ETV5: variants seen among roughly 807,000 people sequenced by gnomAD.
ETV5 encodes ETS translocation variant 5.
In ETV5, 10 loss-of-function variants were observed where a neutral mutation model predicts 70.0. The ratio of observed to expected loss-of-function variants is 0.14; its 90% CI spans 0.09 to 0.24. ETV5 has a LOEUF of 0.24. Ranked by LOEUF, ETV5 falls within the 10% of genes least tolerant of loss-of-function variation. The probability of loss-of-function intolerance (pLI) is 1.00; values close to 1 mark genes in which losing one functional copy is unlikely to be tolerated. For missense variants in ETV5, 453 were observed against 651.2 expected (o/e 0.70, Z 3.31); for synonymous variants, 216 against 242.2 (o/e 0.89, Z 1.01).
chr3:186,068,809 G>A lies in ETV5; in HGVS notation c.651-2737C>T, dbSNP rs757943069. On this transcript the variant is annotated intron_variant, in intron 7 of 12. Coordinates refer to ENST00000306376, the MANE Select transcript of ETV5 (RefSeq NM_004454.3). ...AAGGTGGTTGTGGAAGGCTGGAGAT[G>A]TGTGAACTCTCAGTCCATGAAACAG... Among the ~76,000 whole-genome samples, 10 of 152,368 alleles carry A rather than the reference G, an allele frequency of 6.6e-5. 1 individual carries two copies. The Middle Eastern group carries it at 0.014, about 207-fold the overall frequency.
intron 9 of ETV5, among the ~76,000 whole-genome samples, chr3:186,061,768 C>A (rs753490754): frequency 2.0e-5 from 3 of 152,230 alleles, no homozygotes; most frequent in Admixed American, 1.3e-4. Flanking sequence ...CCTACCAGGG[C>A]TCCTTTCCAT....
intron 5 of ETV5, among the ~76,000 whole-genome samples, chr3:186,104,333 T>C (rs142585614): frequency 7.1e-4 from 108 of 152,296 alleles, no homozygotes; most frequent in Non-Finnish European, 1.5e-3. Flanking sequence ...CCTGCCAGTG[T>C]TGAAAGCCAT....
chr3:186,061,984 T>TA (rs1239796678), intron 9 of ETV5, among the ~76,000 whole-genome samples: 1 of 152,170 alleles, frequency 6.6e-6, no homozygotes, highest in East Asian at 1.9e-4. Context: ...GCAGATGCCT[T>TA]AAAAAATGTC....
At chr3:186,051,939 G>A (rs772101869) in intron 12 of ETV5, 91 bp downstream of exon 12, 76 of 1,275,770 alleles carry the variant, frequency 6.0e-5, no homozygotes, top group Non-Finnish European at 7.6e-5. Context: ...AAATTTCCTC[G>A]TAGCGACGAT....
At chr3:186,050,990 C>T (rs890799932) in intron 12 of ETV5, among the ~76,000 whole-genome samples, 2 of 152,136 alleles carry the variant, frequency 1.3e-5, no homozygotes, top group Non-Finnish European at 2.9e-5. Context: ...TATTCTTTGG[C>T]AAACAAATAC....
intron 5 of ETV5, among the ~76,000 whole-genome samples, chr3:186,102,354 C>T (rs945642175): frequency 3.9e-5 from 6 of 151,950 alleles, no homozygotes; most frequent in Admixed American, 2.6e-4. Context: ...TGTTACAGGC[C>T]GGGCACAGTG....
At chr3:186,093,161 A>C (rs1714222919) in intron 5 of ETV5, among the ~76,000 whole-genome samples, 1 of 152,176 alleles carries the variant, frequency 6.6e-6, no homozygotes, top group Admixed American at 6.5e-5. Context: ...CTTCTAGCAG[A>C]CCCCAGAACA....
At chr3:186,090,943 G>A (rs1206644231) in intron 5 of ETV5, among the ~76,000 whole-genome samples, 2 of 152,200 alleles carry the variant, frequency 1.3e-5, no homozygotes, top group Admixed American at 6.5e-5. Context: ...AAACTGTGTT[G>A]AAGTAAGTAC....
intron 9 of ETV5, among the ~76,000 whole-genome samples, chr3:186,058,992 A>T (rs1001454199): frequency 6.6e-6 from 1 of 151,524 alleles, no homozygotes; most frequent in African/African-American, 2.4e-5. Flanking sequence ...CTGCCTGTGC[A>T]ACAGAGAGAG....
chr3:186,073,002 T>C (rs1187128348), intron 7 of ETV5, among the ~76,000 whole-genome samples: 1 of 152,046 alleles, frequency 6.6e-6, no homozygotes, highest in Non-Finnish European at 1.5e-5. Flanking sequence ...TGTGGTGGTG[T>C]ACTCCTGTAA....
chr3:186,074,118 A>G (rs1026414680), intron 7 of ETV5, among the ~76,000 whole-genome samples: 2 of 152,136 alleles, frequency 1.3e-5, no homozygotes, highest in African/African-American at 4.8e-5. Flanking sequence ...TAAGGAAAAA[A>G]AAAGGTCTAT....
chr3:186,049,806 T>C (rs534308407), intron 12 of ETV5, among the ~76,000 whole-genome samples: 6 of 152,206 alleles, frequency 3.9e-5, no homozygotes, highest in Non-Finnish European at 8.8e-5. Flanking sequence ...TGGTTTTACC[T>C]TAAAGCCCAA....
chr3:186,071,929 C>T (rs1370964406), intron 7 of ETV5, among the ~76,000 whole-genome samples: 1 of 151,668 alleles, frequency 6.6e-6, no homozygotes, highest in Non-Finnish European at 1.5e-5. Flanking sequence ...TCCCAAGTAG[C>T]TGGGATTACA....
chr3:186,092,388 A>T (rs1169486117), intron 5 of ETV5, among the ~76,000 whole-genome samples: 3 of 152,218 alleles, frequency 2.0e-5, no homozygotes, highest in Admixed American at 6.5e-5. Context: ...TACAGGAATT[A>T]AGAGTTATTG....
intron 5 of ETV5, among the ~76,000 whole-genome samples, chr3:186,081,771 C>A (rs535766838): frequency 2.0e-5 from 3 of 152,228 alleles, no homozygotes; most frequent in Admixed American, 6.5e-5. Flanking sequence ...AACAACAGAC[C>A]AATCCACCAC....
At chr3:186,085,514 T>C (rs1457552554) in intron 5 of ETV5, among the ~76,000 whole-genome samples, 1 of 151,344 alleles carries the variant, frequency 6.6e-6, no homozygotes, top group African/African-American at 2.4e-5. Context: ...TTCGTTTTTT[T>C]TTTTTTTTTT....
chr3:186,056,552 C>A (rs1713166760), intron 11 of ETV5, among the ~76,000 whole-genome samples: 1 of 152,048 alleles, frequency 6.6e-6, no homozygotes, highest in South Asian at 2.1e-4. Flanking sequence ...CCGGCCATAA[C>A]ACACCTTTGA....
At chr3:186,097,971 T>C (rs1714345966) in intron 5 of ETV5, among the ~76,000 whole-genome samples, 1 of 152,212 alleles carries the variant, frequency 6.6e-6, no homozygotes, top group South Asian at 2.1e-4. Flanking sequence ...AGAGGGGGAA[T>C]CTGCAGCTCT....
At chr3:186,091,600 G>A (rs932809994) in intron 5 of ETV5, among the ~76,000 whole-genome samples, 1 of 151,886 alleles carries the variant, frequency 6.6e-6, no homozygotes, top group African/African-American at 2.4e-5. Flanking sequence ...CATGCAGTGG[G>A]AAAAAAAACT....
Sources: allele counts gnomAD v4.1 joint callset (sites outside exome capture counted in the v4.1 genomes callset), GRCh38; gene constraint gnomAD v4.1.1; transcripts MANE v1.5; gene names NCBI Gene and HGNC (gene_info 2026-07-23, HGNC 2026-07-21).